The following LRRN1 variants were observed in gnomAD, a reference collection of about 807,000 sequenced individuals.
The protein encoded by LRRN1 is leucine-rich repeat neuronal protein 1.
A neutral mutation model predicts 45.8 loss-of-function variants in LRRN1; 14 were observed. That is an observed-to-expected ratio of 0.31 (90% CI 0.20 to 0.48). LRRN1 has a LOEUF of 0.48. Ranked by LOEUF, LRRN1 falls within the 20% of genes least tolerant of loss-of-function variation. The pLI, the probability that LRRN1 is intolerant of heterozygous loss-of-function variation, is 0.99. For missense variants in LRRN1, 789 were observed against 874.2 expected, an observed-to-expected ratio of 0.90 and a Z score of 1.23; for synonymous variants, 359 against 330.1, an observed-to-expected ratio of 1.09 and a Z score of -0.95.
Position 3,817,597 on chromosome 3 carries a change from G to A in LRRN1, c.-279+17678G>A, listed in dbSNP as rs537001177. 3.3e-5 allele frequency among the ~76,000 whole-genome samples: 5 copies of A among 152,014 alleles called. 1 individual carries two copies. In the South Asian group the frequency reaches 1.0e-3, roughly 32 times the overall value. On this transcript the variant is annotated intron_variant, in intron 1 of 1. Transcript: ENST00000319331. ...TAGTCTAAAGTTTAAACAGCACTTCGTCTTCTAATTAGGAAGCCCTAAGCA... is the reference window on the plus strand; with the variant it reads ...TAGTCTAAAGTTTAAACAGCACTTCATCTTCTAATTAGGAAGCCCTAAGCA...
chr3:3,808,633 G>C (rs751571297), intron 1 of LRRN1, among the ~76,000 whole-genome samples: 2 of 152,180 alleles, frequency 1.3e-5, no homozygotes, highest in Non-Finnish European at 2.9e-5. Context: ...ACTTGGGTCT[G>C]TCTGACTCTA....
At chr3:3,805,131 G>C (rs1268557501) in intron 1 of LRRN1, among the ~76,000 whole-genome samples, 8 of 152,228 alleles carry the variant, frequency 5.3e-5, no homozygotes, top group Non-Finnish European at 1.0e-4. Context: ...CAGGGGGACA[G>C]TGGGCAGCAC....
Position 3,846,301 on chromosome 3 carries a change from T to C in LRRN1, c.1660T>C (p.Leu554=). The part of the protein sequence containing the change: ...KVNSNVMTSN[L]KWSSATMKID... ...TAATTCCAATGTCATGACGTCAAAC[T>C]TAAAATGGTCGTCTGCCACCATGAA... Residue 554 remains leucine (L), a synonymous_variant, in exon 2 of 2, where the codon TTA becomes CTA. Coordinates refer to ENST00000319331, the MANE Select transcript of LRRN1 (RefSeq NM_020873.7). The surrounding 1 kb of genome is among the most constrained non-coding windows in gnomAD (Gnocchi z 5.7). 1 of 1,614,080 alleles carries C rather than the reference T, an allele frequency of 6.2e-7. No homozygotes were observed. Among genetic ancestry groups the C allele is most frequent in the Non-Finnish European group, 8.5e-7 (1 of 1,180,014 alleles).
At chr3:3,818,180 T>A (rs1014912763) in intron 1 of LRRN1, among the ~76,000 whole-genome samples, 1 of 152,230 alleles carries the variant, frequency 6.6e-6, no homozygotes, top group African/African-American at 2.4e-5. Context: ...ACAGAAGTAA[T>A]GCAACTGGGC....
intron 1 of LRRN1, among the ~76,000 whole-genome samples, chr3:3,821,938 G>A (rs767723549): frequency 6.6e-6 from 1 of 152,090 alleles, no homozygotes; most frequent in Non-Finnish European, 1.5e-5. Flanking sequence ...AGACAGAAAC[G>A]GGTTCCTCAC....
At chr3:3,834,076 A>G (rs983786085) in intron 1 of LRRN1, among the ~76,000 whole-genome samples, 36 of 152,224 alleles carry the variant, frequency 2.4e-4, no homozygotes, top group African/African-American at 8.4e-4. Context: ...ACTCAGGGTA[A>G]TCTTAGCAGA....
chr3:3,809,991 TC>T (rs1692842571), intron 1 of LRRN1, among the ~76,000 whole-genome samples: 1 of 152,218 alleles, frequency 6.6e-6, no homozygotes, highest in South Asian at 2.1e-4. Flanking sequence ...TTTTATGAAG[TC>T]CGTAGTTGAC....
intron 1 of LRRN1, among the ~76,000 whole-genome samples, chr3:3,833,252 G>A (rs1297437167): frequency 2.0e-5 from 3 of 152,152 alleles, no homozygotes; most frequent in Admixed American, 2.0e-4. Context: ...TAGGCCTTTG[G>A]ATCCCTTCCT....
intron 1 of LRRN1, among the ~76,000 whole-genome samples, chr3:3,823,418 A>G (rs186416044): frequency 1.3e-3 from 191 of 152,188 alleles, no homozygotes; most frequent in Middle Eastern, 0.01. Context: ...GAAGAAGAAG[A>G]AGGTTAGGTT....
intron 1 of LRRN1, among the ~76,000 whole-genome samples, chr3:3,834,408 G>A (rs1402757082): frequency 6.7e-6 from 1 of 149,658 alleles, no homozygotes; most frequent in Non-Finnish European, 1.5e-5. Flanking sequence ...ATATTAAGCA[G>A]CCAACTCCAG....
intron 1 of LRRN1, among the ~76,000 whole-genome samples, chr3:3,803,036 C>G (rs567057935): frequency 3.5e-4 from 54 of 152,300 alleles, no homozygotes; most frequent in Middle Eastern, 3.4e-3. Context: ...GATCTCAAGA[C>G]CAGATCCAAC....
chr3:3,848,141 A>G lies in LRRN1; in HGVS notation c.*1349A>G, dbSNP rs553606679. The stretch of plus-strand genomic sequence containing the variant: ...TGTTATTTCTTTTTAACAGTTGTCT[A>G]TATGCTTAGACCCGTGTTAGTCTCT... On this transcript the variant is annotated 3_prime_UTR_variant, in exon 2 of 2. Coordinates refer to ENST00000319331, the MANE Select transcript of LRRN1 (RefSeq NM_020873.7). 1.4e-4 allele frequency among the ~76,000 whole-genome samples: 22 copies of G among 152,326 alleles called. No individual in the cohort carries two copies. The East Asian group carries it at 3.7e-3, about 25-fold the overall frequency.
intron 1 of LRRN1, among the ~76,000 whole-genome samples, chr3:3,810,769 G>A (rs549045593): frequency 6.6e-6 from 1 of 152,318 alleles, no homozygotes; most frequent in South Asian, 2.1e-4. Context: ...AATCAGGTGT[G>A]ATCCTTAGGG....
chr3:3,836,904 A>G (rs1158388794), intron 1 of LRRN1, among the ~76,000 whole-genome samples: 1 of 152,102 alleles, frequency 6.6e-6, no homozygotes, highest in African/African-American at 2.4e-5. Flanking sequence ...GGAAGATAGG[A>G]TGGTATCTGC....
chr3:3,807,254 G>A (rs1215445769), intron 1 of LRRN1, among the ~76,000 whole-genome samples: 3 of 152,222 alleles, frequency 2.0e-5, no homozygotes, highest in Admixed American at 1.3e-4. Flanking sequence ...TCATAGGAGA[G>A]TGCAGCTAGA....
chr3:3,809,364 G>A (rs552875759), intron 1 of LRRN1, among the ~76,000 whole-genome samples: 3 of 152,100 alleles, frequency 2.0e-5, no homozygotes, highest in Non-Finnish European at 1.5e-5. Context: ...GGCTGGTCTC[G>A]GACTCCTGAC....
chr3:3,827,540 C>G (rs1481531279), intron 1 of LRRN1: 1 of 455,194 alleles, frequency 2.2e-6, no homozygotes, highest in Middle Eastern at 3.3e-4. Context: ...CTTGGTTGAA[C>G]AAAAATCCCA....
At chr3:3,832,962 T>C (rs769268450) in intron 1 of LRRN1, among the ~76,000 whole-genome samples, 1 of 152,234 alleles carries the variant, frequency 6.6e-6, no homozygotes, top group Non-Finnish European at 1.5e-5. Context: ...ACAGTAGCTA[T>C]GCCCACTTTG....
chr3:3,809,351 C>T (rs1286105304), intron 1 of LRRN1, among the ~76,000 whole-genome samples: 2 of 152,124 alleles, frequency 1.3e-5, no homozygotes, highest in Non-Finnish European at 2.9e-5. Context: ...ACCATGTTAA[C>T]CAGGCTGGTC....
Sources: gnomAD v4.1 joint callset for allele counts (sites outside exome capture counted in the v4.1 genomes callset) on GRCh38, gnomAD v4.1.1 for gene constraint, Gnocchi (gnomAD v3.1) non-coding constraint, MANE v1.5 for transcripts, NCBI Gene and HGNC (gene_info 2026-07-23, HGNC 2026-07-21) for gene names.